Variants in NARS2 observed in about 807,000 individuals in gnomAD.
NARS2 encodes the protein asparaginyl-tRNA synthetase.
Under a neutral mutation model 62.9 loss-of-function variants are expected in NARS2, and 60 were observed. The ratio of observed to expected loss-of-function variants is 0.95; its 90% CI spans 0.77 to 1.18. The LOEUF (loss-of-function observed/expected upper bound fraction) is 1.18. NARS2 is among the 50% of genes most tolerant of loss of function. The pLI is 0.00. For synonymous variants in NARS2, 196 were observed against 200.0 expected (o/e 0.98, Z 0.17); for missense variants, 619 against 576.4 (o/e 1.07, Z -0.76).
At chr11:78,455,790 C>T (rs1301518819) in intron 11 of NARS2, among the ~76,000 whole-genome samples, 4 of 151,848 alleles carry the variant, frequency 2.6e-5, no homozygotes, top group Admixed American at 6.6e-5. Context: ...TACCTGCTAG[C>T]GGTGTGATTT....
intron 5 of NARS2, among the ~76,000 whole-genome samples, chr11:78,531,806 T>C (rs1861490717): frequency 1.3e-5 from 2 of 152,176 alleles, no homozygotes; most frequent in South Asian, 4.1e-4. Context: ...TATGATTACA[T>C]TTATATGAAA....
intron 5 of NARS2, among the ~76,000 whole-genome samples, chr11:78,552,188 CTT>C (rs566354221): frequency 1.2e-4 from 19 of 152,150 alleles, no homozygotes; most frequent in Non-Finnish European, 2.5e-4. Context: ...TTGTTTCTTT[CTT>C]TGTGTTCATA....
At chr11:78,468,031 T>G (rs901572257) in intron 10 of NARS2, among the ~76,000 whole-genome samples, 21 of 133,680 alleles carry the variant, frequency 1.6e-4, no homozygotes, top group Admixed American at 3.1e-4. Context: ...GTTTATCAAG[T>G]AAGTATTGAA....
rs140862212 is a variant in NARS2, at chr11:78,497,108, T to C, written c.690-3913A>G. Among the ~76,000 whole-genome samples the C allele has an allele frequency of 4.4e-3, 673 of 152,042 alleles. 8 individuals carry two copies. The highest frequency in any genetic ancestry group is 3.7e-3 in the Non-Finnish European group (249 of 67,946). On this transcript the variant is annotated intron_variant, in intron 6 of 13. Transcript: ENST00000281038. ...ACTAAGAATCATTCTTGTGCCAAAC[T>C]ATGAAGAGAGGAAAGCTATATAAGG...
intron 9 of NARS2, among the ~76,000 whole-genome samples, chr11:78,472,405 A>G (rs1858914018): frequency 6.6e-6 from 1 of 152,324 alleles, no homozygotes; most frequent in African/African-American, 2.4e-5. Flanking sequence ...GCTCAACTAC[A>G]AAGATAATTA....
chr11:78,462,251 C>T (rs11237508), intron 11 of NARS2, among the ~76,000 whole-genome samples: 33,765 of 152,012 alleles, frequency 0.22, 4,098 homozygotes, highest in East Asian at 0.41. Context: ...CCAACAGATA[C>T]AGTCTTCTGT....
chr11:78,478,445 AGTT>A lies in NARS2; in HGVS notation c.949_951del (p.Asn317del). 9.3e-7 allele frequency: 1 copy of A among 1,069,750 alleles called. No individual in the cohort carries two copies. Among genetic ancestry groups the A allele is most frequent in the Non-Finnish European group, 1.3e-6 (1 of 756,410 alleles). 66.3% of individuals were successfully genotyped at this position (1,069,750 alleles called of 1,614,324 possible). ...AGTATAACATCTACTTACATTAAAA[AGTT>A]GTTTTTTAGCATATGTTCTAATCTG... is the stretch of plus-strand genomic sequence containing the variant. On this transcript the variant is annotated inframe_deletion, in exon 9 of 14. Coordinates refer to ENST00000281038, the MANE Select transcript of NARS2 (RefSeq NM_024678.6).
chr11:78,489,058 G>C (rs1380306731), intron 7 of NARS2, among the ~76,000 whole-genome samples: 1 of 151,904 alleles, frequency 6.6e-6, no homozygotes, highest in African/African-American at 2.4e-5. Flanking sequence ...TGAGATCTAG[G>C]GCAAGGTAAA....
At chr11:78,516,221 A>G (rs1271071789) in intron 6 of NARS2, among the ~76,000 whole-genome samples, 1 of 152,244 alleles carries the variant, frequency 6.6e-6, no homozygotes, top group Non-Finnish European at 1.5e-5. Context: ...CCAGAGCCAA[A>G]CACAAACAAC....
At chr11:78,504,537 G>C (rs975676089) in intron 6 of NARS2, among the ~76,000 whole-genome samples, 7 of 149,664 alleles carry the variant, frequency 4.7e-5, no homozygotes, top group African/African-American at 1.7e-4. Context: ...ACGAATACAT[G>C]TGACTAAGCT....
chr11:78,542,574 A>G (rs1199695941), intron 5 of NARS2, among the ~76,000 whole-genome samples: 7 of 152,224 alleles, frequency 4.6e-5, no homozygotes, highest in Non-Finnish European at 1.0e-4. Flanking sequence ...TCCAGAGTTA[A>G]GTCTCCAAAC....
chr11:78,557,859 C>T (rs1856418495), intron 5 of NARS2, among the ~76,000 whole-genome samples: 1 of 149,012 alleles, frequency 6.7e-6, no homozygotes, highest in Non-Finnish European at 1.5e-5. Context: ...TATATACAAT[C>T]ACTCAGAGCT....
intron 12 of NARS2, among the ~76,000 whole-genome samples, chr11:78,441,650 G>T (rs186278324): frequency 6.6e-6 from 1 of 151,668 alleles, no homozygotes; most frequent in Non-Finnish European, 1.5e-5. Context: ...GGCAGAAGTT[G>T]CAGTGAACCA....
chr11:78,441,995 A>T (rs1334372703), intron 12 of NARS2, among the ~76,000 whole-genome samples: 1 of 152,220 alleles, frequency 6.6e-6, no homozygotes, highest in Non-Finnish European at 1.5e-5. Context: ...AAATTCAAAT[A>T]TACAAAAATA....
chr11:78,502,613 T>C lies in NARS2; in HGVS notation c.690-9418A>G, dbSNP rs544373263. ...TCCTTTTGGGGTGACGGAAATGTTC[T>C]GGAACTAGACAGTGATGTTGGTTGT... is the stretch of plus-strand genomic sequence containing the variant. On this transcript the variant is annotated intron_variant, in intron 6 of 13. Coordinates refer to ENST00000281038, the MANE Select transcript of NARS2 (RefSeq NM_024678.6). Among the ~76,000 whole-genome samples, 12 of 152,346 alleles carry C rather than the reference T, an allele frequency of 7.9e-5. No homozygotes were observed. In the South Asian group the frequency reaches 2.5e-3, roughly 32 times the overall value.
chr11:78,463,669 A>G (rs916060783), intron 11 of NARS2, among the ~76,000 whole-genome samples: 9 of 139,792 alleles, frequency 6.4e-5, no homozygotes, highest in Non-Finnish European at 1.2e-4. Context: ...CTGGGTGACA[A>G]GAGTGAAATT....
At chr11:78,567,090 T>C (rs1244163632) in intron 3 of NARS2, among the ~76,000 whole-genome samples, 1 of 152,142 alleles carries the variant, frequency 6.6e-6, no homozygotes, top group African/African-American at 2.4e-5. Context: ...TTGGAATACT[T>C]CAAAATGATA....
chr11:78,573,959 T>C (rs1857019732), intron 1 of NARS2, among the ~76,000 whole-genome samples: 1 of 152,246 alleles, frequency 6.6e-6, no homozygotes, highest in Non-Finnish European at 1.5e-5. Context: ...GTATTTGCTG[T>C]CAGCCATGTG....
chr11:78,478,833 A>G (rs1214715857), intron 7 of NARS2, 150 bp from the exon 8 acceptor site: 3 of 461,298 alleles, frequency 6.5e-6, no homozygotes, highest in Admixed American at 8.3e-5. Flanking sequence ...AAATTGGTTC[A>G]GTTTTCCAGG....
Sources: allele counts gnomAD v4.1 joint callset (sites outside exome capture counted in the v4.1 genomes callset), GRCh38; gene constraint gnomAD v4.1.1; transcripts MANE v1.5; gene names NCBI Gene and HGNC (gene_info 2026-07-23, HGNC 2026-07-21).